The following HELZ variants were observed in gnomAD, a reference collection of about 807,000 sequenced individuals.
The protein encoded by HELZ is ATP-dependent RNA helicase with zinc finger domain.
HELZ carries 23 observed loss-of-function variants against 218.2 expected under a neutral mutation model. The ratio of observed to expected loss-of-function variants is 0.11; its 90% CI spans 0.08 to 0.15. The LOEUF is 0.15. Ranked by LOEUF, HELZ falls within the 10% of genes least tolerant of loss-of-function variation. The pLI is 1.00. For synonymous variants in HELZ, 814 were observed against 829.4 expected (o/e 0.98, Z 0.32); for missense variants, 1,813 against 2,353.7 (o/e 0.77, Z 4.75).
intron 32 of HELZ, among the ~76,000 whole-genome samples, chr17:67,080,973 G>T (rs2036170975): frequency 6.6e-6 from 1 of 152,200 alleles, no homozygotes; most frequent in Non-Finnish European, 1.5e-5. Flanking sequence ...TGCTCAGCTA[G>T]TGACTACATT....
chr17:67,086,482 G>A (rs1239155740), intron 32 of HELZ, among the ~76,000 whole-genome samples: 1 of 151,254 alleles, frequency 6.6e-6, no homozygotes, highest in Non-Finnish European at 1.5e-5. Flanking sequence ...TTGGGGGGCT[G>A]AGGCAGGAGA....
chr17:67,218,940 T>C (rs779335030), intron 3 of HELZ, 118 bp from the exon 4 acceptor site: 110 of 671,954 alleles, frequency 1.6e-4, no homozygotes, highest in Non-Finnish European at 2.5e-4. Context: ...GCTAGCCTTT[T>C]GATCAAGGTC....
At chr17:67,195,246 T>A (rs189350633) in intron 8 of HELZ, among the ~76,000 whole-genome samples, 173 bp downstream of exon 8, 3 of 152,180 alleles carry the variant, frequency 2.0e-5, no homozygotes, top group African/African-American at 7.2e-5. Context: ...TATGAAAAGG[T>A]GCCAGGGAGA....
chr17:67,141,596 G>A (rs1314247668), intron 21 of HELZ, among the ~76,000 whole-genome samples: 2 of 151,904 alleles, frequency 1.3e-5, no homozygotes, highest in Admixed American at 1.3e-4. Context: ...CCCTAGAAAG[G>A]AAGGGGGAAT....
intron 8 of HELZ, 102 bp from the exon 9 acceptor site, chr17:67,194,144 C>G: frequency 1.3e-6 from 1 of 763,738 alleles, no homozygotes; most frequent in Admixed American, 2.6e-5. Context: ...TACATCATCC[C>G]ATATGATGTA....
At chr17:67,159,373 T>C (rs527898965) in intron 17 of HELZ, among the ~76,000 whole-genome samples, 1 of 152,270 alleles carries the variant, frequency 6.6e-6, no homozygotes, top group African/African-American at 2.4e-5. Context: ...TCTAAGATCA[T>C]TCAAACAGCT....
intron 3 of HELZ, among the ~76,000 whole-genome samples, chr17:67,220,573 G>C (rs2040716976): frequency 6.6e-6 from 1 of 152,026 alleles, no homozygotes; most frequent in Admixed American, 6.6e-5. Flanking sequence ...GCCTCGACTT[G>C]CCAGGCTCAA....
intron 3 of HELZ, among the ~76,000 whole-genome samples, chr17:67,227,576 A>G (rs900879764): frequency 6.6e-6 from 1 of 152,348 alleles, no homozygotes; most frequent in East Asian, 1.9e-4. Context: ...CCCTTCCTGC[A>G]TATGTAGGTT....
chr17:67,146,943 G>A (rs751336250), intron 20 of HELZ, among the ~76,000 whole-genome samples: 36 of 152,160 alleles, frequency 2.4e-4, no homozygotes, highest in Non-Finnish European at 4.7e-4. Context: ...CTGCACGCAG[G>A]TGGTGACAAT....
chr17:67,087,177 A>T (rs2036420366), intron 31 of HELZ, 96 bp from the exon 32 acceptor site: 1 of 1,166,634 alleles, frequency 8.6e-7, no homozygotes. Context: ...ATATAAAGTA[A>T]AAATTGTCAA....
At chr17:67,138,222 AT>A in intron 21 of HELZ, 108 bp from the exon 22 acceptor site, 6 of 744,634 alleles carry the variant, frequency 8.1e-6, no homozygotes, top group East Asian at 3.2e-5. Flanking sequence ...AGCAGATGTC[AT>A]TTAAAAAAAA....
At chr17:67,138,939 G>C (rs985409986) in intron 21 of HELZ, among the ~76,000 whole-genome samples, 5 of 151,938 alleles carry the variant, frequency 3.3e-5, no homozygotes, top group African/African-American at 1.2e-4. Context: ...AAGAACTTAT[G>C]GTTTATTTAG....
intron 9 of HELZ, among the ~76,000 whole-genome samples, chr17:67,192,666 A>G (rs1184829656): frequency 6.6e-6 from 1 of 152,184 alleles, no homozygotes; most frequent in East Asian, 1.9e-4. Flanking sequence ...AGGATTTTCA[A>G]TACTTACACA....
intron 31 of HELZ, among the ~76,000 whole-genome samples, chr17:67,096,453 A>G (rs540068378): frequency 1.3e-5 from 2 of 152,320 alleles, no homozygotes; most frequent in South Asian, 2.1e-4. Flanking sequence ...TCTTCTTCCA[A>G]TAAGAGGCTG....
chr17:67,086,873 G>A lies in HELZ; in HGVS notation c.5450C>T (p.Pro1817Leu), dbSNP rs771350648. Residue 1817 changes from proline (P) to leucine (L), a missense_variant, in exon 32 of 33, where the codon CCG becomes CTG. By Grantham distance (98) the Pro-to-Leu change is moderately conservative. This residue lies in a region of HELZ where 938 missense variants were observed against 1,027.5 expected (regional missense o/e 0.91). Transcript: ENST00000358691. ...AGCTGTCCTGCTGGATCCATTGCAC[G>A]GAATGTTCTGATAAGGAGTAGATGA... is the stretch of plus-strand genomic sequence containing the variant. The part of the protein sequence containing the change: ...TTSSTPYQNI[P>L]CNGSSRTAQP... 25 of 1,613,272 alleles carry A rather than the reference G, an allele frequency of 1.5e-5. No homozygotes were observed. In the African/African-American group the frequency reaches 1.6e-4, roughly 10 times the overall value.
chr17:67,133,303 T>C (rs2038044438), intron 23 of HELZ, among the ~76,000 whole-genome samples: 1 of 152,218 alleles, frequency 6.6e-6, no homozygotes, highest in Non-Finnish European at 1.5e-5. Flanking sequence ...TGGATAATTC[T>C]GAGAACATGG....
intron 25 of HELZ, 86 bp from the exon 26 acceptor site, chr17:67,123,246 A>G (rs866565596): frequency 5.3e-5 from 39 of 740,560 alleles, no homozygotes; most frequent in Middle Eastern, 6.3e-4. Flanking sequence ...ACAGCAAAAT[A>G]TATTTCCCAG....
At chr17:67,210,143 G>A (rs1438858545) in intron 5 of HELZ, among the ~76,000 whole-genome samples, 1 of 152,192 alleles carries the variant, frequency 6.6e-6, no homozygotes, top group African/African-American at 2.4e-5. Context: ...AGGATCACTT[G>A]AGCTCAGGAT....
chr17:67,215,148 A>AG (rs976454490), intron 5 of HELZ, among the ~76,000 whole-genome samples: 1 of 151,660 alleles, frequency 6.6e-6, no homozygotes, highest in Non-Finnish European at 1.5e-5. Context: ...TGTCTCAGAG[A>AG]GGGGAAAAAA....
Sources: allele counts gnomAD v4.1 joint callset (sites outside exome capture counted in the v4.1 genomes callset), GRCh38; gene constraint gnomAD v4.1.1; regional missense constraint gnomAD v4.1.1; transcripts MANE v1.5; gene names NCBI Gene and HGNC (gene_info 2026-07-23, HGNC 2026-07-21).